Variants in HELQ observed in about 807,000 individuals in gnomAD.
The protein encoded by HELQ is helicase, POLQ like.
A neutral mutation model predicts 111.6 loss-of-function variants in HELQ; 77 were observed. The observed-to-expected ratio is 0.69, with a 90% CI of 0.57 to 0.83. The LOEUF is 0.83. HELQ is among the 40% of genes least tolerant of loss of function. The pLI, the probability that HELQ is intolerant of heterozygous loss-of-function variation, is 0.00. For missense variants in HELQ, 1,200 were observed against 1,288.5 expected, an observed-to-expected ratio of 0.93 and a Z score of 1.05; for synonymous variants, 438 against 454.7, an observed-to-expected ratio of 0.96 and a Z score of 0.47.
chr4:83,442,260 ATTTTTTTTT>A (rs70949710), intron 6 of HELQ, among the ~76,000 whole-genome samples: 14 of 82,080 alleles, frequency 1.7e-4, no homozygotes, highest in Admixed American at 8.6e-4. Flanking sequence ...AAAAACATCA[ATTTTTTTTT>A]TTTTTTTTTT....
chr4:83,416,726 C>A lies in HELQ; in HGVS notation c.3198+5G>T. On this transcript the variant is annotated splice_donor_5th_base_variant and intron_variant, in intron 17 of 17. Coordinates refer to ENST00000295488, the MANE Select transcript of HELQ (RefSeq NM_133636.5). ...TTAAGGTTAAAAAATGGTTTGTTTGCTTACCTTTGCTGATGAAACAATTTG... is the reference window on the plus strand; with the variant it reads ...TTAAGGTTAAAAAATGGTTTGTTTGATTACCTTTGCTGATGAAACAATTTG... The A allele has an allele frequency of 6.2e-7, 1 of 1,610,808 alleles. No homozygotes were observed. Among genetic ancestry groups the A allele is most frequent in the Non-Finnish European group, 8.5e-7 (1 of 1,179,160 alleles).
In HELQ at chr4:83,414,003, T is replaced by C. The variant is rs562947890; in HGVS notation, c.3198+2728A>G. 5.3e-5 allele frequency among the ~76,000 whole-genome samples: 8 copies of C among 152,300 alleles called. No homozygotes were observed. In the East Asian group the frequency reaches 1.4e-3, roughly 26 times the overall value. On this transcript the variant is annotated intron_variant, in intron 17 of 17. Transcript: ENST00000295488. ...CCAGAATTCCTAATCTACAAAAACA[T>C]GAGCAAAATAAGATGGCTGTTTTAA...
Position 83,446,072 on chromosome 4 carries a change from A to G in HELQ, c.1407T>C (p.Gly469=), listed in dbSNP as rs532628113. Residue 469 remains glycine, a synonymous_variant, in exon 5 of 18, where the codon GGT becomes GGC. Transcript: ENST00000295488. ...CCAGTGTAGCTCCACGGCTTCCTTC[A>G]CCAATCATGTGCAACTTCGAGATTT... ...LVVVDELHMI[G]EGSRGATLEM... is the part of the protein sequence containing the mutation. 2 of 1,613,264 alleles carry G rather than the reference A, an allele frequency of 1.2e-6. No homozygotes were observed. Among genetic ancestry groups the G allele is most frequent in the East Asian group, 4.5e-5 (2 of 44,848 alleles).
At chr4:83,451,675 A>AC (rs1553933438) in intron 2 of HELQ, among the ~76,000 whole-genome samples, 26 of 151,880 alleles carry the variant, frequency 1.7e-4, no homozygotes, top group African/African-American at 6.1e-4. Context: ...AAAAAAAACA[A>AC]AAAAACAAAA....
chr4:83,407,388 A>C lies in HELQ; in HGVS notation c.*65T>G. The C allele has an allele frequency of 1.0e-6, 1 of 1,002,746 alleles. No individual in the cohort carries two copies. Among genetic ancestry groups the C allele is most frequent in the Non-Finnish European group, 1.5e-6 (1 of 674,132 alleles). 62.1% of individuals were successfully genotyped at this position (1,002,746 alleles called of 1,614,324 possible). On this transcript the variant is annotated 3_prime_UTR_variant, in exon 18 of 18. Transcript: ENST00000295488. ...TGTATTTTTTCATTTATAAAGTATA[A>C]GTTATCTTTAATAACACACATGTAC...
chr4:83,416,150 G>A (rs1480811535), intron 17 of HELQ, among the ~76,000 whole-genome samples: 1 of 151,572 alleles, frequency 6.6e-6, no homozygotes, highest in Non-Finnish European at 1.5e-5. Context: ...GTTTCACCAT[G>A]TTGGCCAGGC....
chr4:83,421,575 T>TAAC lies in HELQ; in HGVS notation c.2934_2936dup (p.Leu979dup), dbSNP rs1367281498. ...TCAATGAAATTACCTCACAGAAATG[T>TAAC]AACACACAAGATGAGAATGAGGCAG... On this transcript the variant is annotated inframe_insertion, in exon 15 of 18. Coordinates refer to ENST00000295488, the MANE Select transcript of HELQ (RefSeq NM_133636.5). 6.2e-7 allele frequency: 1 copy of TAAC among 1,611,966 alleles called. No homozygotes were observed. Among genetic ancestry groups the TAAC allele is most frequent in the South Asian group, 1.1e-5 (1 of 90,930 alleles).
At position 83,432,246 on chromosome 4, in the gene HELQ, A is replaced by G; in HGVS notation, c.2070T>C (p.Tyr690=). The change falls in exon 10 of 18, where the codon TAT becomes TAC. Residue 690 remains tyrosine (Y), a synonymous_variant. Transcript: ENST00000295488. ...PARRVILRAP[Y]VAKEFLKRNQ... ...TCCTCTTTAAAAATTCCTTAGCAAC[A>G]TAGGGAGCTCTTAAAATAACTCTGT... 6.3e-7 allele frequency: 1 copy of G among 1,579,196 alleles called. No individual in the cohort carries two copies. The highest frequency in any genetic ancestry group is 8.6e-7 in the Non-Finnish European group (1 of 1,162,486).
At chr4:83,440,948 C>T (rs983853678) in intron 7 of HELQ, among the ~76,000 whole-genome samples, 3 of 152,184 alleles carry the variant, frequency 2.0e-5, no homozygotes, top group Non-Finnish European at 4.4e-5. Context: ...ATAACCACAA[C>T]AGCTCACTAA....
In HELQ at chr4:83,455,482, G is replaced by C; in HGVS notation, c.212C>G (p.Ser71Cys). The change falls in exon 1 of 18, where the codon TCC becomes TGC. Residue 71 changes from serine (S) to cysteine (C), a missense_variant. Physicochemically the swap from Ser to Cys is moderately radical, Grantham distance 112. Around this residue, in one of 3 missense-constraint regions of HELQ, gnomAD observed 610 missense variants for 607.1 expected, o/e 1.00. Coordinates refer to ENST00000295488, the MANE Select transcript of HELQ (RefSeq NM_133636.5). ...VEVQPLLLSD[S>C]PECLVLGGGD... ...ACCTCCAAGGACGAGACATTCCGGG[G>C]AATCTGAGAGTAGAAGGGGCTGTAC... is the stretch of plus-strand genomic sequence containing the variant. 6.2e-7 allele frequency: 1 copy of C among 1,614,176 alleles called. No individual in the cohort carries two copies.
In HELQ at chr4:83,443,531, T is replaced by C; in HGVS notation, c.1549A>G (p.Ser517Gly). 6.6e-7 allele frequency: 1 copy of C among 1,526,650 alleles called. No homozygotes were observed. 94.6% of individuals were successfully genotyped at this position (1,526,650 alleles called of 1,614,324 possible). The change falls in exon 6 of 18, where the codon AGT (serine) becomes GGT (glycine). Residue 517 changes from serine to glycine, a missense_variant. Around this residue, in one of 3 missense-constraint regions of HELQ, gnomAD observed 5 missense variants for 16.1 expected, o/e 0.31. Transcript: ENST00000295488. ...TAGGTACATACTGGTCTAAATTGAC[T>C]GGTATAATATTCTGCTTGAAGAAAC... ...QKFLQAEYYT[S>G]QFRPVELKEY...
At chr4:83,420,906 C>A (rs902719113) in intron 15 of HELQ, among the ~76,000 whole-genome samples, 7 of 152,082 alleles carry the variant, frequency 4.6e-5, no homozygotes, top group African/African-American at 1.4e-4. Flanking sequence ...CCACTACACT[C>A]CAGCCTGGGC....
chr4:83,432,909 A>C (rs1039938479), intron 9 of HELQ, among the ~76,000 whole-genome samples: 1 of 151,890 alleles, frequency 6.6e-6, no homozygotes, highest in Non-Finnish European at 1.5e-5. Context: ...AACAACAAAA[A>C]ACTGGCTGGG....
At chr4:83,449,306 C>A (rs1169213588) in intron 2 of HELQ, among the ~76,000 whole-genome samples, 2 of 152,154 alleles carry the variant, frequency 1.3e-5, no homozygotes, top group African/African-American at 2.4e-5. Flanking sequence ...TGTGTGAATT[C>A]GAATGTCTTC....
At chr4:83,444,630 G>A (rs769265838) in intron 5 of HELQ, among the ~76,000 whole-genome samples, 2 of 152,192 alleles carry the variant, frequency 1.3e-5, no homozygotes, top group African/African-American at 2.4e-5. Context: ...ACTATTGAAT[G>A]AAAACCCAAA....
Position 83,432,107 on chromosome 4 carries a change from C to G in HELQ, c.2190+19G>C. Reference sequence around the variant, plus strand: ...CAAGAAAAAGACAAAAACAACCAACCAACCAAATTGAGTATTACCTGTTGT... The same window carrying G: ...CAAGAAAAAGACAAAAACAACCAACGAACCAAATTGAGTATTACCTGTTGT... On this transcript the variant is annotated intron_variant, in intron 10 of 17. Coordinates refer to ENST00000295488, the MANE Select transcript of HELQ (RefSeq NM_133636.5). The G allele has an allele frequency of 6.5e-7, 1 of 1,542,312 alleles. No individual in the cohort carries two copies. Among genetic ancestry groups the G allele is most frequent in the East Asian group, 2.4e-5 (1 of 41,490 alleles).
At chr4:83,416,213 G>A (rs1739350168) in intron 17 of HELQ, among the ~76,000 whole-genome samples, 1 of 151,816 alleles carries the variant, frequency 6.6e-6, no homozygotes, top group Non-Finnish European at 1.5e-5. Flanking sequence ...CTCCCAAAGT[G>A]CTGGGATTAC....
chr4:83,434,304 G>A (rs909325068), intron 9 of HELQ, among the ~76,000 whole-genome samples: 2 of 152,106 alleles, frequency 1.3e-5, no homozygotes, highest in Non-Finnish European at 2.9e-5. Context: ...CCAGGAGACA[G>A]AGGTTGCAGT....
intron 11 of HELQ, among the ~76,000 whole-genome samples, chr4:83,430,346 G>A (rs1306908576): frequency 6.7e-6 from 1 of 150,146 alleles, no homozygotes; most frequent in Non-Finnish European, 1.5e-5. Flanking sequence ...CACTAAAACA[G>A]CGTCAGACAA....
Sources: gnomAD v4.1 joint callset for allele counts (sites outside exome capture counted in the v4.1 genomes callset) on GRCh38, gnomAD v4.1.1 for gene constraint, gnomAD v4.1.1 regional missense constraint, MANE v1.5 for transcripts, NCBI Gene and HGNC (gene_info 2026-07-23, HGNC 2026-07-21) for gene names.